GNB1: variants seen among roughly 807,000 people sequenced by gnomAD.
The protein encoded by GNB1 is guanine nucleotide-binding protein G(I)/G(S)/G(T) subunit beta-1.
GNB1 carries 2 observed loss-of-function variants against 42.9 expected under a neutral mutation model. That is an observed-to-expected ratio of 0.05 (90% CI 0.02 to 0.15). The LOEUF (loss-of-function observed/expected upper bound fraction) is 0.15. Among genes scored for constraint, GNB1 ranks in the 10% least tolerant of loss-of-function variants. The pLI, the probability that GNB1 is intolerant of heterozygous loss-of-function variation, is 1.00. For missense variants in GNB1, 193 were observed against 462.2 expected, an observed-to-expected ratio of 0.42 and a Z score of 5.34; for synonymous variants, 183 against 174.7, an observed-to-expected ratio of 1.05 and a Z score of -0.38.
chr1:1,882,922 A>G (rs1234914289), intron 1 of GNB1, among the ~76,000 whole-genome samples: 1 of 147,658 alleles, frequency 6.8e-6, no homozygotes. Flanking sequence ...CTCCGTCTCA[A>G]AAAAAAAAAA....
At chr1:1,797,060 A>C (rs1296227478) in intron 7 of GNB1, among the ~76,000 whole-genome samples, 1 of 152,214 alleles carries the variant, frequency 6.6e-6, no homozygotes, top group Admixed American at 6.5e-5. Context: ...TGCTCTACCC[A>C]GCATGGCTGC....
chr1:1,838,431 C>T (rs539269025), intron 2 of GNB1, among the ~76,000 whole-genome samples: 2 of 150,250 alleles, frequency 1.3e-5, no homozygotes, highest in South Asian at 4.2e-4. Flanking sequence ...TCATGTTCAC[C>T]TTACTTTTTT....
chr1:1,791,172 AT>A (rs34703999), intron 8 of GNB1, among the ~76,000 whole-genome samples: 32 of 141,854 alleles, frequency 2.3e-4, no homozygotes, highest in African/African-American at 2.6e-4. Flanking sequence ...CACACCTGGT[AT>A]TTTTTTTTTT....
At chr1:1,843,469 C>A (rs183678535) in intron 1 of GNB1, among the ~76,000 whole-genome samples, 1 of 152,286 alleles carries the variant, frequency 6.6e-6, no homozygotes, top group Admixed American at 6.5e-5. Flanking sequence ...TCAAACGATC[C>A]TTGCAGGTCG....
At chr1:1,867,971 T>C (rs1189830021) in intron 1 of GNB1, among the ~76,000 whole-genome samples, 1 of 152,166 alleles carries the variant, frequency 6.6e-6, no homozygotes, top group Non-Finnish European at 1.5e-5. Context: ...TTATAAAAAA[T>C]CTACTAGGAA....
At chr1:1,876,086 G>A (rs949406910) in intron 1 of GNB1, among the ~76,000 whole-genome samples, 1 of 152,162 alleles carries the variant, frequency 6.6e-6, no homozygotes, top group African/African-American at 2.4e-5. Flanking sequence ...GAAAGGAAGT[G>A]TCCTCCCTTG....
rs186899457 is a variant in GNB1, at chr1:1,846,233, C to T, written c.-95-6995G>A. Among the ~76,000 whole-genome samples the T allele has an allele frequency of 1.1e-4, 16 of 151,768 alleles. 1 individual carries two copies. Among genetic ancestry groups the T allele is most frequent in the African/African-American group, 3.4e-4 (14 of 41,364 alleles). Reference sequence around the variant, plus strand: ...AAATTAAAAAAAAAAAGAGGAAAAGCGAAGCTCTTCTTTACAGAGGAATGC... The same window carrying T: ...AAATTAAAAAAAAAAAGAGGAAAAGTGAAGCTCTTCTTTACAGAGGAATGC... On this transcript the variant is annotated intron_variant, in intron 1 of 11. Transcript: ENST00000378609.
intron 1 of GNB1, among the ~76,000 whole-genome samples, chr1:1,884,357 G>A (rs1242995056): frequency 5.9e-5 from 9 of 151,652 alleles, no homozygotes; most frequent in Non-Finnish European, 8.8e-5. Flanking sequence ...AATTACAGGC[G>A]TGAGCCACCG....
At chr1:1,879,708 GAA>G (rs574427054) in intron 1 of GNB1, among the ~76,000 whole-genome samples, 22 of 118,442 alleles carry the variant, frequency 1.9e-4, no homozygotes, top group Admixed American at 1.8e-4. Flanking sequence ...CTGTCTCAGG[GAA>G]AAAAAAAAAA....
At chr1:1,821,164 A>C (rs562865587) in intron 3 of GNB1, among the ~76,000 whole-genome samples, 1 of 152,356 alleles carries the variant, frequency 6.6e-6, no homozygotes, top group African/African-American at 2.4e-5. Flanking sequence ...GGCCCTGCTC[A>C]GCATGGAGTC....
intron 6 of GNB1, among the ~76,000 whole-genome samples, chr1:1,806,262 C>T (rs1304496846): frequency 1.3e-5 from 2 of 152,200 alleles, no homozygotes; most frequent in Non-Finnish European, 2.9e-5. Context: ...TGACGGACAA[C>T]AGCACAACTG....
At chr1:1,808,890 C>T (rs147603041) in intron 5 of GNB1, among the ~76,000 whole-genome samples, 1 of 152,144 alleles carries the variant, frequency 6.6e-6, no homozygotes, top group African/African-American at 2.4e-5. Context: ...GTGATCCGCC[C>T]ACCTTGGCCT....
In GNB1 at chr1:1,790,976, G is replaced by A. The variant is rs532837794; in HGVS notation, c.498-380C>T. 2.0e-3 allele frequency among the ~76,000 whole-genome samples: 308 copies of A among 152,236 alleles called. 1 individual carries two copies. In the Middle Eastern group the frequency reaches 0.044, roughly 22 times the overall value. On this transcript the variant is annotated intron_variant, in intron 8 of 11. Transcript: ENST00000378609. The surrounding 1 kb of genome is among the most constrained non-coding windows in gnomAD (Gnocchi z 5.4). Reference sequence around the variant, plus strand: ...AGCTACGTGGAGGCCCTGGATGGCGGAGGGGACGCGACTCTATCTGTGGCT... The same window carrying A: ...AGCTACGTGGAGGCCCTGGATGGCGAAGGGGACGCGACTCTATCTGTGGCT...
chr1:1,857,186 C>A (rs1301021636), intron 1 of GNB1, among the ~76,000 whole-genome samples: 1 of 152,164 alleles, frequency 6.6e-6, no homozygotes, highest in East Asian at 1.9e-4. Flanking sequence ...TCTACCCAGT[C>A]TAGCCAAGGT....
chr1:1,800,300 C>T (rs1322144238), intron 7 of GNB1, among the ~76,000 whole-genome samples: 1 of 152,154 alleles, frequency 6.6e-6, no homozygotes, highest in Non-Finnish European at 1.5e-5. Context: ...TGCTATTATA[C>T]AAGGACAGGG....
At chr1:1,820,438 T>C (rs1449871817) in intron 3 of GNB1, among the ~76,000 whole-genome samples, 3 of 151,660 alleles carry the variant, frequency 2.0e-5, no homozygotes, top group Non-Finnish European at 4.4e-5. Context: ...AATTCATCTT[T>C]AGTTAAGCTC....
At chr1:1,835,923 A>AG (rs1491346850) in intron 2 of GNB1, among the ~76,000 whole-genome samples, 8 of 13,152 alleles carry the variant, frequency 6.1e-4, no homozygotes, top group African/African-American at 1.0e-3. Context: ...TTAAAAAAAG[A>AG]AAAAAAAAAA....
In GNB1 at chr1:1,790,038, T is replaced by A. The variant is rs2100496996; in HGVS notation, c.699+357A>T. 1.3e-5 allele frequency among the ~76,000 whole-genome samples: 2 copies of A among 152,256 alleles called. No homozygotes were observed. The highest frequency in any genetic ancestry group is 4.1e-4 in the South Asian group (2 of 4,826). ...AGGGGCTGGAAACACTGCCTAGCCA[T>A]CCGCGTGCTAAAGAGGAGGGCAGGT... On this transcript the variant is annotated intron_variant, in intron 9 of 11. Coordinates refer to ENST00000378609, the MANE Select transcript of GNB1 (RefSeq NM_002074.5). This position sits in a 1 kb window ranked among gnomAD's most constrained non-coding sequence, Gnocchi z 5.4.
intron 1 of GNB1, among the ~76,000 whole-genome samples, chr1:1,876,970 A>G (rs1300594590): frequency 6.6e-6 from 1 of 152,156 alleles, no homozygotes; most frequent in African/African-American, 2.4e-5. Context: ...TGACATTTGG[A>G]AACAATTACA....
Sources: allele counts gnomAD v4.1 joint callset (sites outside exome capture counted in the v4.1 genomes callset), GRCh38; gene constraint gnomAD v4.1.1; non-coding constraint Gnocchi (gnomAD v3.1); transcripts MANE v1.5; gene names NCBI Gene and HGNC (gene_info 2026-07-23, HGNC 2026-07-21).